Variants in SETBP1 observed in about 807,000 individuals in gnomAD.
The protein encoded by SETBP1 is SET-binding protein.
In SETBP1, 9 loss-of-function variants were observed where a neutral mutation model predicts 101.0. The ratio of observed to expected loss-of-function variants is 0.09; its 90% CI spans 0.05 to 0.16. The LOEUF (loss-of-function observed/expected upper bound fraction) is 0.16. Among genes scored for constraint, SETBP1 ranks in the 10% least tolerant of loss-of-function variants. The probability of loss-of-function intolerance (pLI) is 1.00; values close to 1 mark genes in which losing one functional copy is unlikely to be tolerated. For missense variants in SETBP1, 1,858 were observed against 2,033.8 expected, an observed-to-expected ratio of 0.91 and a Z score of 1.66; for synonymous variants, 818 against 788.5, an observed-to-expected ratio of 1.04 and a Z score of -0.63.
At chr18:44,904,197 G>C (rs192993922) in intron 3 of SETBP1, among the ~76,000 whole-genome samples, 1 of 152,062 alleles carries the variant, frequency 6.6e-6, no homozygotes, top group South Asian at 2.1e-4. Flanking sequence ...TGACACTATC[G>C]CTTTTTCAAA....
chr18:44,840,532 G>C (rs542940664), intron 2 of SETBP1, among the ~76,000 whole-genome samples: 1 of 152,316 alleles, frequency 6.6e-6, no homozygotes, highest in East Asian at 1.9e-4. Context: ...CATCCTTATG[G>C]TAATGACATT....
intron 2 of SETBP1, among the ~76,000 whole-genome samples, chr18:44,808,380 T>G (rs530845502): frequency 2.0e-5 from 3 of 152,312 alleles, no homozygotes; most frequent in Admixed American, 2.0e-4. Flanking sequence ...CTTCACTAGT[T>G]CAACTGACAT....
chr18:44,797,630 C>T (rs2071509076), intron 2 of SETBP1, among the ~76,000 whole-genome samples: 1 of 152,148 alleles, frequency 6.6e-6, no homozygotes, highest in Admixed American at 6.5e-5. Context: ...TCTTGCGCCA[C>T]CTCCCAGCTG....
chr18:44,803,257 G>T (rs2071646194), intron 2 of SETBP1, among the ~76,000 whole-genome samples: 1 of 152,140 alleles, frequency 6.6e-6, no homozygotes, highest in Admixed American at 6.5e-5. Flanking sequence ...CTGCTCCTTT[G>T]TATATAAACA....
chr18:45,039,364 A>G (rs1446611896), intron 5 of SETBP1, among the ~76,000 whole-genome samples: 2 of 152,130 alleles, frequency 1.3e-5, no homozygotes, highest in Admixed American at 6.5e-5. Context: ...TGTCAGTCTC[A>G]TCCCTGCCTC....
At chr18:45,016,731 GCA>G (rs60965207) in intron 4 of SETBP1, among the ~76,000 whole-genome samples, 6,288 of 122,474 alleles carry the variant, frequency 0.051, 193 homozygotes, top group African/African-American at 0.093. Flanking sequence ...ATTGGTGCGC[GCA>G]CACACACACA....
At chr18:44,695,670 A>G (rs1286920952) in intron 1 of SETBP1, among the ~76,000 whole-genome samples, 1 of 152,188 alleles carries the variant, frequency 6.6e-6, no homozygotes. Context: ...GAAGTTTGCA[A>G]AAGTTCAGGA....
At chr18:44,878,067 T>A (rs1377564508) in intron 3 of SETBP1, among the ~76,000 whole-genome samples, 2 of 152,148 alleles carry the variant, frequency 1.3e-5, no homozygotes, top group East Asian at 3.9e-4. Context: ...ATGCAGAAAA[T>A]TTTTTCCACT....
At chr18:44,695,346 T>A (rs897233200) in intron 1 of SETBP1, among the ~76,000 whole-genome samples, 3 of 152,096 alleles carry the variant, frequency 2.0e-5, no homozygotes, top group Admixed American at 2.0e-4. Context: ...CCAGGAAAAT[T>A]AAAGGGAGAG....
At chr18:44,990,587 G>T (rs1242289011) in intron 4 of SETBP1, among the ~76,000 whole-genome samples, 1 of 149,312 alleles carries the variant, frequency 6.7e-6, no homozygotes, top group African/African-American at 2.5e-5. Flanking sequence ...GAAAGACCTT[G>T]TCTCAAAAAA....
At chr18:44,911,932 TACACACACCCAC>T (rs1400131396) in intron 3 of SETBP1, among the ~76,000 whole-genome samples, 3 of 130,448 alleles carry the variant, frequency 2.3e-5, no homozygotes, top group African/African-American at 9.0e-5. Flanking sequence ...TGCTCCTGCA[TACACACACCCAC>T]ACACACACAC....
chr18:44,994,401 G>T (rs2072446950), intron 4 of SETBP1, among the ~76,000 whole-genome samples: 1 of 152,156 alleles, frequency 6.6e-6, no homozygotes, highest in Non-Finnish European at 1.5e-5. Context: ...AGAATTATGG[G>T]ATTAATGATA....
At chr18:44,803,784 A>C (rs1381703390) in intron 2 of SETBP1, among the ~76,000 whole-genome samples, 2 of 151,790 alleles carry the variant, frequency 1.3e-5, no homozygotes, top group South Asian at 4.2e-4. Flanking sequence ...CACTTTATCC[A>C]CCTCTAAACA....
At chr18:44,874,108 G>A (rs985435637) in intron 3 of SETBP1, among the ~76,000 whole-genome samples, 1 of 151,948 alleles carries the variant, frequency 6.6e-6, no homozygotes, top group Non-Finnish European at 1.5e-5. Context: ...TTATTTGGGG[G>A]TATACTTTAA....
intron 3 of SETBP1, among the ~76,000 whole-genome samples, chr18:44,923,316 A>C (rs2070623550): frequency 6.6e-6 from 1 of 152,234 alleles, no homozygotes. Flanking sequence ...CCTCCTGAGC[A>C]ACATGACTGA....
chr18:44,830,248 G>A (rs1271100678), intron 2 of SETBP1, among the ~76,000 whole-genome samples: 1 of 152,118 alleles, frequency 6.6e-6, no homozygotes, highest in East Asian at 1.9e-4. Context: ...ACCATGGGAC[G>A]TTTATTTTGA....
At chr18:44,711,477 CT>C (rs1231409654) in intron 2 of SETBP1, among the ~76,000 whole-genome samples, 1 of 131,582 alleles carries the variant, frequency 7.6e-6, no homozygotes, top group African/African-American at 2.9e-5. Flanking sequence ...TCCTTCCTTT[CT>C]CCCTCCCTCC....
At chr18:44,737,668 A>G (rs561267619) in intron 2 of SETBP1, among the ~76,000 whole-genome samples, 2 of 152,368 alleles carry the variant, frequency 1.3e-5, no homozygotes, top group Non-Finnish European at 2.9e-5. Context: ...GCATTAGGCT[A>G]CATAATCTCA....
chr18:44,793,631 T>G (rs1341528933), intron 2 of SETBP1, among the ~76,000 whole-genome samples: 1 of 152,142 alleles, frequency 6.6e-6, no homozygotes, highest in Non-Finnish European at 1.5e-5. Flanking sequence ...AACAATAGAT[T>G]GGATAACTTT....
Sources: gnomAD v4.1 joint callset for allele counts (sites outside exome capture counted in the v4.1 genomes callset) on GRCh38, gnomAD v4.1.1 for gene constraint, MANE v1.5 for transcripts, NCBI Gene and HGNC (gene_info 2026-07-23, HGNC 2026-07-21) for gene names.